SLC6A6: variants seen among roughly 807,000 people sequenced by gnomAD.
SLC6A6 encodes the protein solute carrier family 6 member 6, also known as sodium- and chloride-dependent taurine transporter.
SLC6A6 carries 16 observed loss-of-function variants against 68.8 expected under a neutral mutation model. That is an observed-to-expected ratio of 0.23 (90% confidence interval 0.16 to 0.35). The LOEUF is 0.35. Among genes scored for constraint, SLC6A6 ranks in the 10% least tolerant of loss-of-function variants. SLC6A6 has a pLI of 1.00. For synonymous variants in SLC6A6, 312 were observed against 315.4 expected, an observed-to-expected ratio of 0.99 and a Z score of 0.12; for missense variants, 474 against 802.8, an observed-to-expected ratio of 0.59 and a Z score of 4.95.
chr3:14,409,071 G>A (rs1432890462), intron 1 of SLC6A6, among the ~76,000 whole-genome samples: 1 of 152,236 alleles, frequency 6.6e-6, no homozygotes, highest in Admixed American at 6.5e-5. Context: ...GCCTCCCAAA[G>A]TGCTGGGATT....
chr3:14,468,335 ACCC>A lies in SLC6A6; in HGVS notation c.1096+131_1096+133del. The A allele has an allele frequency of 5.1e-6, 3 of 590,140 alleles. No homozygotes were observed. Among genetic ancestry groups the A allele is most frequent in the South Asian group, 6.1e-5 (2 of 32,652 alleles). The allele number at this position is 590,140 out of a possible 1,614,324, so 36.6% of individuals were successfully genotyped here. A position where few individuals can be genotyped will look rare whatever the true frequency, so the allele number is the denominator to read the frequency against. On this transcript the variant is annotated intron_variant, in intron 9 of 14. Transcript: ENST00000622186. This position sits in a 1 kb window ranked among gnomAD's most constrained non-coding sequence, Gnocchi z 4.5. ...GGGACGAGCCTGGTTTCTAAAATGG[ACCC>A]CCCCCCCGCCACCAAGATATCCCCC...
chr3:14,451,013 T>C (rs1559301984), intron 5 of SLC6A6, among the ~76,000 whole-genome samples: 1 of 152,238 alleles, frequency 6.6e-6, no homozygotes, highest in Non-Finnish European at 1.5e-5. Flanking sequence ...ATCTGAGCAC[T>C]GTCCCCATGC....
Position 14,477,158 on chromosome 3 carries a change from G to A in SLC6A6, c.1210-47G>A. The A allele has an allele frequency of 6.3e-7, 1 of 1,583,558 alleles. No homozygotes were observed. Among genetic ancestry groups the A allele is most frequent in the Non-Finnish European group, 8.6e-7 (1 of 1,157,570 alleles). ...TTCCCTCCGAGCAGCAGGCAAGGGT[G>A]GCCTGAGCGTCAGCCGCTCACCAGC... On this transcript the variant is annotated intron_variant, in intron 10 of 14. Transcript: ENST00000622186. The surrounding 1 kb of genome is among the most constrained non-coding windows in gnomAD (Gnocchi z 4.2).
chr3:14,416,500 T>G, intron 2 of SLC6A6, 47 bp downstream of exon 2: 1 of 398,642 alleles, frequency 2.5e-6, no homozygotes, highest in Non-Finnish European at 4.4e-6. Flanking sequence ...TCACACGTTG[T>G]GCAGTGACCC....
intron 5 of SLC6A6, among the ~76,000 whole-genome samples, chr3:14,451,089 G>A (rs1473061205): frequency 4.6e-5 from 7 of 152,160 alleles, no homozygotes; most frequent in South Asian, 2.1e-4. Context: ...GGATCTCTCC[G>A]TGCCTTATCC....
intron 10 of SLC6A6, among the ~76,000 whole-genome samples, chr3:14,473,549 G>A (rs1482702105): frequency 6.6e-6 from 1 of 152,166 alleles, no homozygotes; most frequent in Non-Finnish European, 1.5e-5. Context: ...AGTCTCTGAA[G>A]GTCAAGCAGA....
chr3:14,418,043 G>C (rs568984632), intron 2 of SLC6A6, among the ~76,000 whole-genome samples: 1 of 152,302 alleles, frequency 6.6e-6, no homozygotes, highest in Non-Finnish European at 1.5e-5. Flanking sequence ...GCCTGCGTGT[G>C]CATGTACACA....
rs201130139 is a variant in SLC6A6, at chr3:14,478,528, G to A, written c.1410G>A (p.Trp470Ter). 1.9e-6 allele frequency: 3 copies of A among 1,613,034 alleles called. No individual in the cohort carries two copies. The highest frequency in any genetic ancestry group is 2.5e-6 in the Non-Finnish European group (3 of 1,179,254). ...YYAASGVCLL[W>*]VAFFECFVIA... ...CAGCTAGCGGTGTATGCCTTTTGTG[G>A]GTTGCATTCTTTGAATGTTTTGTTA... Residue 470 changes from tryptophan to a stop codon, truncating the protein, a stop_gained, in exon 12 of 15, where the codon TGG becomes TGA. Coordinates refer to ENST00000622186, the MANE Select transcript of SLC6A6 (RefSeq NM_003043.6). LOFTEE classifies it high-confidence loss of function.
At chr3:14,422,976 C>T (rs1027877873) in intron 2 of SLC6A6, among the ~76,000 whole-genome samples, 2 of 152,206 alleles carry the variant, frequency 1.3e-5, no homozygotes, top group Non-Finnish European at 2.9e-5. Flanking sequence ...CCTTAAGTTA[C>T]TGGGGACCCA....
intron 2 of SLC6A6, among the ~76,000 whole-genome samples, chr3:14,433,491 C>T (rs961184527): frequency 2.0e-5 from 3 of 152,058 alleles, no homozygotes; most frequent in South Asian, 2.1e-4. Context: ...GTGGGGTTAA[C>T]GACTCTACAG....
rs987261402 is a variant in SLC6A6 at position 14,487,131 on chromosome 3, T to G, written c.*2124T>G. ...GGCTACCTGGGCATTTGTGGTCATT[T>G]CAGTTTCCATCTCCCCAGCGGGGGC... is the stretch of plus-strand genomic sequence containing the variant. On this transcript the variant is annotated 3_prime_UTR_variant, in exon 15 of 15. Transcript: ENST00000622186. 1 of 152,662 alleles carries G rather than the reference T, an allele frequency of 6.6e-6. No individual in the cohort carries two copies. Among genetic ancestry groups the G allele is most frequent in the Non-Finnish European group, 1.5e-5 (1 of 68,042 alleles). The allele number at this position is 152,662 out of a possible 1,614,324, so 9.5% of individuals were successfully genotyped here.
chr3:14,484,874 A>G lies in SLC6A6; in HGVS notation c.1730A>G (p.Lys577Arg). The G allele has an allele frequency of 6.2e-7, 1 of 1,611,986 alleles. No homozygotes were observed. The highest frequency in any genetic ancestry group is 8.5e-7 in the Non-Finnish European group (1 of 1,179,946). ...CCTGTCATCCTTCTCCAGAGAGTCAAGTACCTGCTGACCCCAAGGGAACCC... is the reference window on the plus strand; with the variant it reads ...CCTGTCATCCTTCTCCAGAGAGTCAGGTACCTGCTGACCCCAAGGGAACCC... Reference protein sequence around the residue: ...QTEGPFLVRVKYLLTPREPNR... With the variant: ...QTEGPFLVRVRYLLTPREPNR... Residue 577 changes from lysine (K) to arginine (R), a missense_variant, in exon 15 of 15, where the codon AAG becomes AGG. Lys to Arg is a conservative substitution (Grantham distance 26). Coordinates refer to ENST00000622186, the MANE Select transcript of SLC6A6 (RefSeq NM_003043.6).
intron 5 of SLC6A6, 93 bp downstream of exon 5, chr3:14,447,909 A>G: frequency 6.5e-7 from 1 of 1,543,546 alleles, no homozygotes; most frequent in Non-Finnish European, 8.7e-7. Flanking sequence ...TACAGGAGCC[A>G]CTGTCTTCGG....
In SLC6A6 at chr3:14,445,735, A is replaced by T. The variant is rs1700104762; in HGVS notation, c.248A>T (p.Tyr83Phe). ...TCTGCAGGTGCGTTTCTCATACCGTATTTTATTTTCCTGTTTGGGAGCGGC... is the reference window on the plus strand; with the variant it reads ...TCTGCAGGTGCGTTTCTCATACCGTTTTTTATTTTCCTGTTTGGGAGCGGC... Reference protein sequence around the residue: ...KNGGGAFLIPYFIFLFGSGLP... With the variant: ...KNGGGAFLIPFFIFLFGSGLP... Residue 83 changes from tyrosine to phenylalanine, a missense_variant, in exon 4 of 15, where the codon TAT (tyrosine) becomes TTT (phenylalanine). By Grantham distance (22) the Tyr-to-Phe change is conservative. Transcript: ENST00000622186. 3 of 1,614,030 alleles carry T rather than the reference A, an allele frequency of 1.9e-6. No homozygotes were observed. In the African/African-American group the frequency reaches 4.0e-5, roughly 22 times the overall value.
chr3:14,442,712 A>C (rs1205371830), intron 2 of SLC6A6, among the ~76,000 whole-genome samples: 2 of 152,168 alleles, frequency 1.3e-5, no homozygotes, highest in African/African-American at 4.8e-5. Flanking sequence ...GCCAAGCATA[A>C]GTGGGCTGAG....
At chr3:14,445,263 A>AT (rs1553573465) in intron 3 of SLC6A6, among the ~76,000 whole-genome samples, 9 of 151,214 alleles carry the variant, frequency 6.0e-5, no homozygotes, top group East Asian at 3.9e-4. Flanking sequence ...TCTACTAAAA[A>AT]ACAAAAAATT....
In SLC6A6 at chr3:14,484,426, T is replaced by C. The variant is rs114699747; in HGVS notation, c.1723-441T>C. 2.7e-3 allele frequency among the ~76,000 whole-genome samples: 418 copies of C among 152,272 alleles called. 3 individuals are homozygous for C. The highest frequency in any genetic ancestry group is 9.4e-3 in the African/African-American group (392 of 41,556). On this transcript the variant is annotated intron_variant, in intron 14 of 14. Transcript: ENST00000622186. The stretch of plus-strand genomic sequence containing the variant: ...AGGCTGAGGAGTTTGGAGTTTCTCC[T>C]TGGGGAAGGTGGGAGCCATGGAGGC...
Position 14,460,412 on chromosome 3 carries a change from A to G in SLC6A6, c.732+2330A>G, listed in dbSNP as rs116690849. On this transcript the variant is annotated intron_variant, in intron 6 of 14. Coordinates refer to ENST00000622186, the MANE Select transcript of SLC6A6 (RefSeq NM_003043.6). ...ATTTTGAATAGGGTGGCCAGGCAAG[A>G]CCTACCAAGAAGGTGACTCTAGGCA... Among the ~76,000 whole-genome samples, 1,259 of 152,122 alleles carry G rather than the reference A, an allele frequency of 8.3e-3. 20 individuals are homozygous for G. Among genetic ancestry groups the G allele is most frequent in the African/African-American group, 0.029 (1,191 of 41,506 alleles).
chr3:14,444,780 C>T (rs985690600), intron 3 of SLC6A6: 2 of 456,540 alleles, frequency 4.4e-6, no homozygotes, highest in Non-Finnish European at 8.8e-6. Context: ...CCTAGACGCT[C>T]CCCAGAACAA....
Sources: allele counts gnomAD v4.1 joint callset (sites outside exome capture counted in the v4.1 genomes callset), GRCh38; gene constraint gnomAD v4.1.1; non-coding constraint Gnocchi (gnomAD v3.1); transcripts MANE v1.5; gene names NCBI Gene and HGNC (gene_info 2026-07-23, HGNC 2026-07-21).